ASAP1: variants seen among roughly 807,000 people sequenced by gnomAD.
ASAP1 encodes the protein arf-GAP with SH3 domain, ANK repeat and PH domain-containing protein 1.
Under a neutral mutation model 145.2 loss-of-function variants are expected in ASAP1, and 43 were observed. The observed-to-expected ratio is 0.30, with a 90% confidence interval of 0.23 to 0.38. ASAP1 has a LOEUF of 0.38. Among genes scored for constraint, ASAP1 ranks in the 10% least tolerant of loss-of-function variants. ASAP1 has a pLI of 1.00. For synonymous variants in ASAP1, 546 were observed against 515.5 expected, an observed-to-expected ratio of 1.06 and a Z score of -0.80; for missense variants, 1,018 against 1,355.3, an observed-to-expected ratio of 0.75 and a Z score of 3.91.
At chr8:130,070,914 G>A (rs1367516185) in intron 27 of ASAP1, among the ~76,000 whole-genome samples, 4 of 6,452 alleles carry the variant, frequency 6.2e-4, no homozygotes, top group African/African-American at 2.7e-3. Flanking sequence ...GGAGAGAGAG[G>A]GGGAGAGAGA....
intron 1 of ASAP1, among the ~76,000 whole-genome samples, chr8:130,441,982 G>A (rs1266099576): frequency 1.3e-5 from 2 of 152,086 alleles, no homozygotes; most frequent in Non-Finnish European, 2.9e-5. Context: ...ACAAAAGAAT[G>A]GGATAGGGAA....
chr8:130,154,602 A>G (rs1467102872), intron 12 of ASAP1, among the ~76,000 whole-genome samples: 1 of 152,230 alleles, frequency 6.6e-6, no homozygotes, highest in Non-Finnish European at 1.5e-5. Flanking sequence ...TTAAAACAGT[A>G]TCATCTTATG....
intron 3 of ASAP1, among the ~76,000 whole-genome samples, chr8:130,327,506 TTAAG>T (rs1824411889): frequency 6.6e-6 from 1 of 152,184 alleles, no homozygotes. Flanking sequence ...TACTTCTTAA[TTAAG>T]TAACATGGAA....
chr8:130,308,622 G>A (rs756085042), intron 3 of ASAP1, among the ~76,000 whole-genome samples: 75 of 152,092 alleles, frequency 4.9e-4, no homozygotes, highest in Admixed American at 1.0e-3. Context: ...TGGAGAATCC[G>A]GAAATCATTT....
Position 130,263,659 on chromosome 8 carries a change from T to G in ASAP1, c.187-26665A>C, listed in dbSNP as rs149515504. Among the ~76,000 whole-genome samples the G allele has an allele frequency of 2.0e-3, 311 of 152,334 alleles. 1 individual carries two copies. Among genetic ancestry groups the G allele is most frequent in the Middle Eastern group, 0.01 (3 of 294 alleles). ...GCCTAAAAACCCTATGAAGTGAGTATTATTAACCTCTGCAGGCCACAGAGC... is the reference window on the plus strand; with the variant it reads ...GCCTAAAAACCCTATGAAGTGAGTAGTATTAACCTCTGCAGGCCACAGAGC... On this transcript the variant is annotated intron_variant, in intron 3 of 29. Coordinates refer to ENST00000518721, the MANE Select transcript of ASAP1 (RefSeq NM_018482.4).
At chr8:130,349,812 T>C (rs568043982) in intron 3 of ASAP1, among the ~76,000 whole-genome samples, 4 of 152,344 alleles carry the variant, frequency 2.6e-5, no homozygotes, top group East Asian at 1.9e-4. Context: ...CTCCCATGCA[T>C]TGCCTCCTTT....
intron 27 of ASAP1, among the ~76,000 whole-genome samples, chr8:130,074,623 G>A (rs115293831): frequency 6.6e-6 from 1 of 152,290 alleles, no homozygotes; most frequent in African/African-American, 2.4e-5. Flanking sequence ...GACACCTGCT[G>A]GAGTCTGTCC....
chr8:130,090,418 C>T (rs1306120756), intron 25 of ASAP1, among the ~76,000 whole-genome samples: 1 of 152,176 alleles, frequency 6.6e-6, no homozygotes, highest in Non-Finnish European at 1.5e-5. Context: ...TCCCGAAGGC[C>T]TTACACAGCA....
intron 3 of ASAP1, among the ~76,000 whole-genome samples, chr8:130,276,129 G>T (rs139967295): frequency 6.6e-6 from 1 of 152,190 alleles, no homozygotes; most frequent in Non-Finnish European, 1.5e-5. Flanking sequence ...AGAACCCTGC[G>T]GGCCTGACCT....
At chr8:130,269,494 T>G (rs1820462551) in intron 3 of ASAP1, among the ~76,000 whole-genome samples, 1 of 152,236 alleles carries the variant, frequency 6.6e-6, no homozygotes, top group Non-Finnish European at 1.5e-5. Context: ...GAAACAAGAA[T>G]GTTAAACTTA....
intron 5 of ASAP1, among the ~76,000 whole-genome samples, chr8:130,190,511 G>A (rs1017201891): frequency 5.9e-5 from 9 of 151,808 alleles, no homozygotes; most frequent in Non-Finnish European, 8.8e-5. Flanking sequence ...ACTGATTTAT[G>A]CATTTATTTT....
intron 7 of ASAP1, among the ~76,000 whole-genome samples, chr8:130,183,182 C>T (rs1373919811): frequency 6.6e-6 from 1 of 152,026 alleles, no homozygotes; most frequent in East Asian, 1.9e-4. Flanking sequence ...CAAGACCTTA[C>T]ATTCTCTAAC....
At chr8:130,247,132 T>C (rs1818899296) in intron 3 of ASAP1, 1 of 152,208 alleles carries the variant, frequency 6.6e-6, no homozygotes. Context: ...CTCTCTCTGA[T>C]ACTAAAGGTA....
intron 3 of ASAP1, among the ~76,000 whole-genome samples, chr8:130,260,242 TA>T (rs768006042): frequency 9.7e-4 from 148 of 152,270 alleles, no homozygotes; most frequent in Non-Finnish European, 1.7e-3. Flanking sequence ...AACAGGGGTG[TA>T]TTCTATACCA....
intron 3 of ASAP1, among the ~76,000 whole-genome samples, chr8:130,300,185 G>GCA (rs1822573851): frequency 2.2e-5 from 3 of 138,782 alleles, no homozygotes; most frequent in Admixed American, 1.4e-4. Context: ...GAGAGAGAGA[G>GCA]AGCGAGCGAG....
intron 14 of ASAP1, among the ~76,000 whole-genome samples, chr8:130,135,081 CT>C (rs1033808040): frequency 5.0e-4 from 76 of 152,318 alleles, no homozygotes; most frequent in African/African-American, 1.7e-3. Context: ...GAGGGAAGCT[CT>C]TTCTCAATAT....
chr8:130,340,782 G>C, intron 3 of ASAP1: 1 of 401,072 alleles, frequency 2.5e-6, no homozygotes, highest in Non-Finnish European at 5.0e-6. Flanking sequence ...GCTATTTTAA[G>C]GATAAAATTT....
At chr8:130,357,994 G>C (rs1215653401) in intron 3 of ASAP1, 23 bp downstream of exon 3, 1 of 1,593,768 alleles carries the variant, frequency 6.3e-7, no homozygotes, top group Admixed American at 1.7e-5. Context: ...AGCGTGGACG[G>C]CGGGGGTCCC....
intron 1 of ASAP1, among the ~76,000 whole-genome samples, chr8:130,403,301 T>TTTAAAA (rs60441663): frequency 0.21 from 31,918 of 150,668 alleles, 3,565 homozygotes; most frequent in African/African-American, 0.25. Context: ...TGTTTTTTTT[T>TTTAAAA]AAAAAACCCA....
Sources: gnomAD v4.1 joint callset for allele counts (sites outside exome capture counted in the v4.1 genomes callset) on GRCh38, gnomAD v4.1.1 for gene constraint, MANE v1.5 for transcripts, NCBI Gene and HGNC (gene_info 2026-07-23, HGNC 2026-07-21) for gene names.